Variants in CNMD observed in about 807,000 individuals in gnomAD.
CNMD encodes leukocyte cell-derived chemotaxin 1.
In CNMD, 30 loss-of-function variants were observed where a neutral mutation model predicts 37.5. That is an observed-to-expected ratio of 0.80 (90% CI 0.60 to 1.09). The LOEUF is 1.09. CNMD is among the 50% of genes least tolerant of loss of function. CNMD has a pLI of 0.00. For synonymous variants in CNMD, 167 were observed against 148.2 expected, an observed-to-expected ratio of 1.13 and a Z score of -0.92; for missense variants, 398 against 423.9, an observed-to-expected ratio of 0.94 and a Z score of 0.54.
chr13:52,721,741 A>G (rs975662677), intron 4 of CNMD, among the ~76,000 whole-genome samples: 4 of 152,226 alleles, frequency 2.6e-5, no homozygotes, highest in Non-Finnish European at 5.9e-5. Flanking sequence ...CTATTCGGCC[A>G]TCTCTATATA....
intron 4 of CNMD, among the ~76,000 whole-genome samples, chr13:52,722,724 A>G (rs1482500860): frequency 6.6e-6 from 1 of 152,222 alleles, no homozygotes; most frequent in Admixed American, 6.5e-5. Context: ...TGTCTTTAGA[A>G]TTCTGTATGC....
chr13:52,728,040 C>T (rs551475810), intron 3 of CNMD, among the ~76,000 whole-genome samples: 88 of 152,202 alleles, frequency 5.8e-4, no homozygotes, highest in African/African-American at 2.0e-3. Context: ...CAAAATATCA[C>T]ATATATCTCA....
chr13:52,716,285 C>G (rs1964379618), intron 4 of CNMD, among the ~76,000 whole-genome samples: 1 of 152,078 alleles, frequency 6.6e-6, no homozygotes, highest in South Asian at 2.1e-4. Context: ...ATTTGTTCTC[C>G]CATTCTGTAG....
intron 2 of CNMD, 184 bp from the exon 3 acceptor site, chr13:52,733,543 T>TG: frequency 1.4e-6 from 1 of 694,620 alleles, no homozygotes; most frequent in Non-Finnish European, 2.6e-6. Flanking sequence ...AATGATTTCC[T>TG]TAAAAATACC....
chr13:52,738,917 TG>T, intron 2 of CNMD, 113 bp downstream of exon 2: 1 of 990,590 alleles, frequency 1.0e-6, no homozygotes, highest in Non-Finnish European at 1.3e-6. Flanking sequence ...GAGCTCACGC[TG>T]GGCCCGAGGG....
chr13:52,719,847 T>C (rs1304130637), intron 4 of CNMD, among the ~76,000 whole-genome samples: 1 of 152,232 alleles, frequency 6.6e-6, no homozygotes, highest in Non-Finnish European at 1.5e-5. Context: ...GTGTTCTCTG[T>C]ATTTCCTGAA....
intron 4 of CNMD, among the ~76,000 whole-genome samples, chr13:52,719,756 A>T (rs1964449775): frequency 6.6e-6 from 1 of 152,026 alleles, no homozygotes; most frequent in African/African-American, 2.4e-5. Flanking sequence ...GCTGCTTTTA[A>T]CATTTTTTCC....
intron 3 of CNMD, among the ~76,000 whole-genome samples, chr13:52,727,272 T>G (rs1391034607): frequency 6.7e-6 from 1 of 149,946 alleles, no homozygotes; most frequent in Non-Finnish European, 1.5e-5. Context: ...CCGTCTCAAA[T>G]AAAAAAAAAT....
chr13:52,739,799 C>A lies in CNMD; in HGVS notation c.-98G>T. ...GCAGGGCATTTCAACGCCGCGCGCA[C>A]ACACGGTGCACGGTCCCGCCTGGGC... On this transcript the variant is annotated 5_prime_UTR_variant, in exon 1 of 7. Transcript: ENST00000377962. The surrounding 1 kb of genome is among the most constrained non-coding windows in gnomAD (Gnocchi z 5.4). 9.7e-7 allele frequency: 1 copy of A among 1,033,588 alleles called. No individual in the cohort carries two copies. The highest frequency in any genetic ancestry group is 1.5e-6 in the Non-Finnish European group (1 of 675,044). The allele number at this position is 1,033,588 out of a possible 1,614,324, so 64.0% of individuals were successfully genotyped here.
chr13:52,707,506 C>T (rs771831052), intron 6 of CNMD, among the ~76,000 whole-genome samples: 8 of 152,044 alleles, frequency 5.3e-5, no homozygotes, highest in Non-Finnish European at 1.2e-4. Context: ...GGACTGAGCC[C>T]CTGAGGGCAC....
chr13:52,720,380 C>T lies in CNMD; in HGVS notation c.468+3617G>A, dbSNP rs185033788. Among the ~76,000 whole-genome samples, 799 of 152,170 alleles carry T rather than the reference C, an allele frequency of 5.3e-3. 1 individual carries two copies. Among genetic ancestry groups the T allele is most frequent in the Middle Eastern group, 0.01 (3 of 294 alleles). ...CCATCCAGATTTGTTCCCTTGTTGG[C>T]GAGGAGTTGTGATCCTTTGGAGGAG... On this transcript the variant is annotated intron_variant, in intron 4 of 6. Transcript: ENST00000377962.
chr13:52,704,661 CTT>C (rs1206414559), intron 6 of CNMD, among the ~76,000 whole-genome samples: 1 of 152,142 alleles, frequency 6.6e-6, no homozygotes, highest in East Asian at 1.9e-4. Context: ...AAACCCTTAT[CTT>C]TAAATTCTTG....
rs558495399 is a variant in CNMD at position 52,704,750 on chromosome 13, C to T, written c.790-940G>A. 8.5e-5 allele frequency among the ~76,000 whole-genome samples: 13 copies of T among 152,132 alleles called. 2 individuals are homozygous for T. In the South Asian group the frequency reaches 2.5e-3, roughly 29 times the overall value. On this transcript the variant is annotated intron_variant, in intron 6 of 6. Coordinates refer to ENST00000377962, the MANE Select transcript of CNMD (RefSeq NM_007015.3). ...AGTCTTTAATCTTAATTTGGGATGT[C>T]GGGGAGTGGGGGGAGTTATTAAAAA... is the stretch of plus-strand genomic sequence containing the variant.
At chr13:52,710,388 A>C (rs187332770) in intron 5 of CNMD, among the ~76,000 whole-genome samples, 2 of 152,312 alleles carry the variant, frequency 1.3e-5, no homozygotes, top group Non-Finnish European at 2.9e-5. Context: ...GCAAAGATTA[A>C]ATGAGGACAA....
At chr13:52,728,015 A>G (rs1964603386) in intron 3 of CNMD, among the ~76,000 whole-genome samples, 1 of 152,232 alleles carries the variant, frequency 6.6e-6, no homozygotes, top group Non-Finnish European at 1.5e-5. Flanking sequence ...ATCATTACAC[A>G]TCCTATTCAT....
At chr13:52,735,693 A>AT (rs1175635659) in intron 2 of CNMD, among the ~76,000 whole-genome samples, 4 of 152,152 alleles carry the variant, frequency 2.6e-5, no homozygotes, top group Non-Finnish European at 5.9e-5. Context: ...AAAAAAAAAA[A>AT]AAAATCTCAT....
intron 4 of CNMD, among the ~76,000 whole-genome samples, chr13:52,723,779 A>G (rs1398620984): frequency 2.0e-5 from 3 of 151,992 alleles, no homozygotes; most frequent in Non-Finnish European, 4.4e-5. Context: ...AAAATACAAC[A>G]AGTTAGTTGG....
At chr13:52,724,414 A>G (rs1295482806) in intron 3 of CNMD, among the ~76,000 whole-genome samples, 1 of 122,880 alleles carries the variant, frequency 8.1e-6, no homozygotes, top group East Asian at 2.5e-4. Context: ...TCTACTAAAA[A>G]TACAAAAAAA....
At chr13:52,730,029 G>T (rs570002401) in intron 3 of CNMD, among the ~76,000 whole-genome samples, 1 of 145,930 alleles carries the variant, frequency 6.9e-6, no homozygotes, top group South Asian at 2.2e-4. Flanking sequence ...GTATCCATGT[G>T]TTCTCATTGT....
Sources: allele counts gnomAD v4.1 joint callset (sites outside exome capture counted in the v4.1 genomes callset), GRCh38; gene constraint gnomAD v4.1.1; non-coding constraint Gnocchi (gnomAD v3.1); transcripts MANE v1.5; gene names NCBI Gene and HGNC (gene_info 2026-07-23, HGNC 2026-07-21).